Variants in CPQ observed in about 807,000 individuals in gnomAD.
CPQ encodes Ser-Met dipeptidase.
Under a neutral mutation model 45.7 loss-of-function variants are expected in CPQ, and 37 were observed. The observed-to-expected ratio is 0.81, with a 90% confidence interval of 0.62 to 1.07. The LOEUF is 1.07. CPQ is among the 50% of genes least tolerant of loss of function. The pLI is 0.00. For missense variants in CPQ, 537 were observed against 572.9 expected (o/e 0.94, Z 0.64); for synonymous variants, 186 against 205.8 (o/e 0.90, Z 0.82).
At chr8:96,791,363 T>C (rs188599338) in intron 2 of CPQ, among the ~76,000 whole-genome samples, 19 of 152,290 alleles carry the variant, frequency 1.2e-4, no homozygotes, top group Admixed American at 5.2e-4. Flanking sequence ...GCAGAATATA[T>C]TGGTTTTTGT....
intron 7 of CPQ, among the ~76,000 whole-genome samples, chr8:97,136,452 GCATC>G: frequency 6.6e-6 from 1 of 152,306 alleles, no homozygotes; most frequent in South Asian, 2.1e-4. Context: ...ATCCTCACAA[GCATC>G]TTGGAAGTTG....
intron 7 of CPQ, among the ~76,000 whole-genome samples, chr8:97,122,303 A>T (rs1355896881): frequency 6.6e-6 from 1 of 152,176 alleles, no homozygotes; most frequent in Non-Finnish European, 1.5e-5. Flanking sequence ...ACATTATATA[A>T]AAAAGAAAAA....
chr8:97,119,344 A>G (rs201932707), intron 7 of CPQ, among the ~76,000 whole-genome samples: 35 of 151,484 alleles, frequency 2.3e-4, no homozygotes, highest in African/African-American at 7.3e-4. Flanking sequence ...AAAAAAAAAA[A>G]AAAAAAGATA....
intron 5 of CPQ, among the ~76,000 whole-genome samples, chr8:97,014,598 C>A (rs1342191454): frequency 6.7e-6 from 1 of 148,326 alleles, no homozygotes; most frequent in Non-Finnish European, 1.5e-5. Flanking sequence ...GCTGAGATTG[C>A]GCCACTGTAC....
intron 3 of CPQ, among the ~76,000 whole-genome samples, chr8:96,867,282 C>G (rs1267262524): frequency 6.6e-6 from 1 of 151,872 alleles, no homozygotes. Flanking sequence ...GAAGGAACAC[C>G]CACTAATTCT....
intron 6 of CPQ, among the ~76,000 whole-genome samples, chr8:97,034,122 G>A (rs1201239507): frequency 6.6e-6 from 1 of 152,108 alleles, no homozygotes; most frequent in Admixed American, 6.5e-5. Context: ...TATAGCTTGT[G>A]TATACATTTT....
At chr8:96,880,863 A>C (rs1812214985) in intron 4 of CPQ, among the ~76,000 whole-genome samples, 1 of 152,070 alleles carries the variant, frequency 6.6e-6, no homozygotes, top group African/African-American at 2.4e-5. Flanking sequence ...AACTGAAGCC[A>C]AAACTTTAGC....
chr8:96,968,412 A>G (rs1451252533), intron 5 of CPQ, among the ~76,000 whole-genome samples: 1 of 152,236 alleles, frequency 6.6e-6, no homozygotes, highest in African/African-American at 2.4e-5. Flanking sequence ...GTATTTTAAC[A>G]TGAAGAGCTA....
chr8:97,014,507 G>C (rs1586494815), intron 5 of CPQ, among the ~76,000 whole-genome samples: 1 of 151,866 alleles, frequency 6.6e-6, no homozygotes, highest in East Asian at 1.9e-4. Flanking sequence ...AAAACTAGCT[G>C]GGCATGGTGA....
chr8:97,116,319 C>A (rs1811592954), intron 7 of CPQ, among the ~76,000 whole-genome samples: 3 of 152,148 alleles, frequency 2.0e-5, no homozygotes, highest in African/African-American at 7.2e-5. Context: ...TATGCTAATT[C>A]AGACTCTAAA....
chr8:96,924,132 G>A (rs916051004), intron 4 of CPQ, among the ~76,000 whole-genome samples: 1 of 152,216 alleles, frequency 6.6e-6, no homozygotes, highest in Non-Finnish European at 1.5e-5. Flanking sequence ...GGCTGCAGGT[G>A]AACTCAAAAG....
At chr8:96,831,247 T>A (rs1811456419) in intron 2 of CPQ, among the ~76,000 whole-genome samples, 1 of 152,174 alleles carries the variant, frequency 6.6e-6, no homozygotes, top group Non-Finnish European at 1.5e-5. Context: ...TGTGTGTGTG[T>A]GTGTTTCACA....
chr8:97,089,727 A>C lies in CPQ; in HGVS notation c.1255+23517A>C, dbSNP rs937114263. ...ACTACCCTTTATGTGTATTGAACTC[A>C]ACCTAGGATGGGGTAGGGAGTACTG... On this transcript the variant is annotated intron_variant, in intron 7 of 7. Coordinates refer to ENST00000220763, the MANE Select transcript of CPQ (RefSeq NM_016134.4). Among the ~76,000 whole-genome samples, 9 of 152,144 alleles carry C rather than the reference A, an allele frequency of 5.9e-5. 1 individual carries two copies. The highest frequency in any genetic ancestry group is 6.3e-3 in the Middle Eastern group (2 of 316).
intron 5 of CPQ, among the ~76,000 whole-genome samples, chr8:97,017,776 C>A (rs908289137): frequency 1.3e-5 from 2 of 152,042 alleles, no homozygotes; most frequent in Non-Finnish European, 2.9e-5. Flanking sequence ...CTAGCCCTGC[C>A]CCCACCTGGT....
chr8:97,060,127 G>T (rs908544333), intron 6 of CPQ, among the ~76,000 whole-genome samples: 1 of 152,154 alleles, frequency 6.6e-6, no homozygotes, highest in Non-Finnish European at 1.5e-5. Flanking sequence ...TGGAGAGAAA[G>T]GAGCTATTAT....
chr8:97,040,002 A>C (rs769673144), intron 6 of CPQ, among the ~76,000 whole-genome samples: 5,334 of 152,034 alleles, frequency 0.035, 115 homozygotes, highest in Non-Finnish European at 0.052. Flanking sequence ...ATACCCAGTA[A>C]TGGGATGGCT....
intron 5 of CPQ, among the ~76,000 whole-genome samples, chr8:96,999,800 T>C (rs1809240858): frequency 6.6e-6 from 1 of 152,126 alleles, no homozygotes; most frequent in Non-Finnish European, 1.5e-5. Context: ...TTTAGGTCTT[T>C]GAGTAATTGC....
chr8:96,970,931 C>A (rs190768079), intron 5 of CPQ, among the ~76,000 whole-genome samples: 50 of 152,250 alleles, frequency 3.3e-4, no homozygotes, highest in Non-Finnish European at 2.2e-4. Flanking sequence ...GAACACTCAT[C>A]CTCAGGATAA....
intron 1 of CPQ, among the ~76,000 whole-genome samples, chr8:96,759,289 C>G (rs892434906): frequency 6.6e-6 from 1 of 152,078 alleles, no homozygotes; most frequent in Non-Finnish European, 1.5e-5. Flanking sequence ...TCCCCCAAAC[C>G]TCCAGTAAAG....
Sources: gnomAD v4.1 joint callset for allele counts (sites outside exome capture counted in the v4.1 genomes callset) on GRCh38, gnomAD v4.1.1 for gene constraint, MANE v1.5 for transcripts, NCBI Gene and HGNC (gene_info 2026-07-23, HGNC 2026-07-21) for gene names.